The following CADM2 variants were observed in gnomAD, a reference collection of about 807,000 sequenced individuals.
CADM2 encodes immunoglobulin superfamily member 4D.
Under a neutral mutation model 49.8 loss-of-function variants are expected in CADM2, and 12 were observed. That is an observed-to-expected ratio of 0.24 (90% confidence interval 0.15 to 0.39). CADM2 has a LOEUF of 0.39. CADM2 is among the 10% of genes least tolerant of loss of function. CADM2 has a pLI of 1.00. For synonymous variants in CADM2, 214 were observed against 175.4 expected (o/e 1.22, Z -1.74); for missense variants, 378 against 492.3 (o/e 0.77, Z 2.20).
At chr3:85,623,542 G>A (rs1369543395) in intron 1 of CADM2, among the ~76,000 whole-genome samples, 1 of 152,130 alleles carries the variant, frequency 6.6e-6, no homozygotes, top group Non-Finnish European at 1.5e-5. Context: ...TGAGATCCCA[G>A]GCTGAGAGTG....
chr3:85,078,984 T>C (rs920944198), intron 1 of CADM2, among the ~76,000 whole-genome samples: 1 of 151,822 alleles, frequency 6.6e-6, no homozygotes, highest in South Asian at 2.1e-4. Flanking sequence ...TTATAAGTGA[T>C]CTCATTTTAC....
intron 3 of CADM2, among the ~76,000 whole-genome samples, chr3:85,807,182 A>C (rs2072486409): frequency 6.6e-6 from 1 of 152,158 alleles, no homozygotes; most frequent in Admixed American, 6.6e-5. Context: ...ATGTCATTTC[A>C]AACTATTGAA....
At chr3:85,103,187 C>T (rs1044531524) in intron 1 of CADM2, among the ~76,000 whole-genome samples, 2 of 152,118 alleles carry the variant, frequency 1.3e-5, no homozygotes, top group East Asian at 3.9e-4. Context: ...TATGTTTTAA[C>T]GTAGGGAGAA....
intron 1 of CADM2, among the ~76,000 whole-genome samples, chr3:85,094,345 C>A (rs1401387202): frequency 6.6e-6 from 1 of 151,986 alleles, no homozygotes; most frequent in Non-Finnish European, 1.5e-5. Context: ...TAATATTGTC[C>A]TTTCACGACG....
At chr3:85,671,799 C>A (rs1214709657) in intron 1 of CADM2, among the ~76,000 whole-genome samples, 1 of 152,124 alleles carries the variant, frequency 6.6e-6, no homozygotes, top group Non-Finnish European at 1.5e-5. Flanking sequence ...CATATGTGTA[C>A]CCTTTGTGTA....
chr3:84,975,694 A>C (rs2107113332), intron 1 of CADM2, among the ~76,000 whole-genome samples: 1 of 151,972 alleles, frequency 6.6e-6, no homozygotes, highest in East Asian at 1.9e-4. Flanking sequence ...TCAACATTAT[A>C]GAGAAAACTC....
rs190997420 is a variant in CADM2, at chr3:85,112,889, A to G, written c.61+153221A>G. ...TAAACAGCTCAGATAATATATACAT[A>G]ATTTTATATATCTGTAAAATATGTA... is the stretch of plus-strand genomic sequence containing the variant. On this transcript the variant is annotated intron_variant, in intron 1 of 9. Transcript: ENST00000383699. 3.3e-3 allele frequency among the ~76,000 whole-genome samples: 504 copies of G among 151,846 alleles called. 1 individual carries two copies. The highest frequency in any genetic ancestry group is 6.3e-3 in the Admixed American group (96 of 15,216).
At chr3:85,215,104 G>C (rs2041887812) in intron 1 of CADM2, among the ~76,000 whole-genome samples, 1 of 152,052 alleles carries the variant, frequency 6.6e-6, no homozygotes, top group South Asian at 2.1e-4. Flanking sequence ...TCTCACCCAA[G>C]GCCCATGGGG....
At chr3:85,723,355 T>G (rs1559614519) in intron 1 of CADM2, among the ~76,000 whole-genome samples, 1 of 152,194 alleles carries the variant, frequency 6.6e-6, no homozygotes, top group African/African-American at 2.4e-5. Flanking sequence ...ATTTTTAAGA[T>G]AATTTTCGGT....
chr3:85,065,453 C>T, intron 1 of CADM2, among the ~76,000 whole-genome samples: 1 of 151,928 alleles, frequency 6.6e-6, no homozygotes, highest in Non-Finnish European at 1.5e-5. Context: ...TCCCAGATTT[C>T]TCATTTTTGA....
At chr3:86,055,459 T>TTTTTTTTG (rs1415297185) in intron 8 of CADM2, among the ~76,000 whole-genome samples, 2 of 110,648 alleles carry the variant, frequency 1.8e-5, no homozygotes, top group African/African-American at 8.7e-5. Context: ...CTCTTTTTTT[T>TTTTTTTTG]TTTTTTTTTT....
intron 1 of CADM2, among the ~76,000 whole-genome samples, chr3:85,126,278 A>G (rs1331609821): frequency 1.3e-5 from 2 of 152,126 alleles, no homozygotes; most frequent in Non-Finnish European, 1.5e-5. Context: ...TTGTCCCATT[A>G]CTATGTGTGA....
intron 1 of CADM2, among the ~76,000 whole-genome samples, chr3:85,676,651 T>C (rs1258106467): frequency 6.6e-6 from 1 of 152,152 alleles, no homozygotes; most frequent in East Asian, 1.9e-4. Flanking sequence ...TAATTGCTTT[T>C]TCATAGATTT....
chr3:84,988,300 A>G (rs1030305973), intron 1 of CADM2, among the ~76,000 whole-genome samples: 7 of 152,054 alleles, frequency 4.6e-5, no homozygotes, highest in Admixed American at 3.3e-4. Context: ...TCCTACTTCT[A>G]TTTCCTTTTC....
In CADM2 at chr3:86,073,769, A is replaced by G. The variant is rs1703406307; in HGVS notation, c.*6986A>G. The G allele has an allele frequency of 6.8e-6, 1 of 147,692 alleles. No homozygotes were observed. Among genetic ancestry groups the G allele is most frequent in the Non-Finnish European group, 1.5e-5 (1 of 67,882 alleles). The allele number at this position is 147,692 out of a possible 1,614,324, so 9.1% of individuals were successfully genotyped here. A position where few individuals can be genotyped will look rare whatever the true frequency, so the allele number is the denominator to read the frequency against. On this transcript the variant is annotated 3_prime_UTR_variant, in exon 10 of 10. Coordinates refer to ENST00000383699, the MANE Select transcript of CADM2 (RefSeq NM_001167675.2). ...TCATTAAATCGATGGTACAAAACAT[A>G]CTTCTTTATGCCAAACACATTATTT...
chr3:85,343,003 C>T (rs893570480), intron 1 of CADM2, among the ~76,000 whole-genome samples: 1 of 152,000 alleles, frequency 6.6e-6, no homozygotes, highest in African/African-American at 2.4e-5. Context: ...TTCCATAATA[C>T]ATTGTAAGGT....
chr3:85,514,203 T>C (rs538929815), intron 1 of CADM2, among the ~76,000 whole-genome samples: 1 of 152,194 alleles, frequency 6.6e-6, no homozygotes, highest in Admixed American at 6.5e-5. Flanking sequence ...TTTTCTATGT[T>C]CGTCATTGTA....
At chr3:85,291,403 G>A (rs2043792395) in intron 1 of CADM2, among the ~76,000 whole-genome samples, 1 of 150,372 alleles carries the variant, frequency 6.7e-6, no homozygotes, top group African/African-American at 2.5e-5. Context: ...ATCTAGAAAG[G>A]CAGGCCAACG....
At chr3:85,323,445 C>A (rs1329165822) in intron 1 of CADM2, among the ~76,000 whole-genome samples, 1 of 152,112 alleles carries the variant, frequency 6.6e-6, no homozygotes, top group African/African-American at 2.4e-5. Context: ...ATTTCCTTTG[C>A]TCTGTTATTA....
Sources: allele counts gnomAD v4.1 joint callset (sites outside exome capture counted in the v4.1 genomes callset), GRCh38; gene constraint gnomAD v4.1.1; transcripts MANE v1.5; gene names NCBI Gene and HGNC (gene_info 2026-07-23, HGNC 2026-07-21).